The following CHN1 variants were observed in gnomAD, a reference collection of about 807,000 sequenced individuals.
CHN1 encodes chimerin 1, also known as N-chimaerin.
Under a neutral mutation model 59.5 loss-of-function variants are expected in CHN1, and 37 were observed. The ratio of observed to expected loss-of-function variants is 0.62; its 90% CI spans 0.48 to 0.82. The LOEUF (loss-of-function observed/expected upper bound fraction) is 0.82, where lower values mean the gene tolerates loss of function less well. Ranked by LOEUF, CHN1 falls within the 40% of genes least tolerant of loss-of-function variation. CHN1 has a pLI of 0.00. For missense variants in CHN1, 469 were observed against 571.0 expected (o/e 0.82, Z 1.82); for synonymous variants, 206 against 200.4 (o/e 1.03, Z -0.24).
At chr2:174,864,428 A>C (rs1381569667) in intron 6 of CHN1, among the ~76,000 whole-genome samples, 1 of 152,224 alleles carries the variant, frequency 6.6e-6, no homozygotes, top group Non-Finnish European at 1.5e-5. Context: ...ATTTATCTAA[A>C]ATATAATAAA....
intron 5 of CHN1, among the ~76,000 whole-genome samples, chr2:174,891,530 T>C (rs933459570): frequency 2.0e-5 from 3 of 150,254 alleles, no homozygotes; most frequent in East Asian, 2.0e-4. Flanking sequence ...GATCATGCCA[T>C]TGCATTCCAG....
intron 3 of CHN1, among the ~76,000 whole-genome samples, chr2:174,926,846 C>T (rs1287515398): frequency 6.6e-6 from 1 of 151,896 alleles, no homozygotes; most frequent in Admixed American, 6.6e-5. Flanking sequence ...CAAGCTCCGC[C>T]TCCCAGGTTC....
At chr2:174,911,849 C>T (rs1489561893) in intron 5 of CHN1, among the ~76,000 whole-genome samples, 1 of 152,166 alleles carries the variant, frequency 6.6e-6, no homozygotes. Flanking sequence ...TACAACCTTG[C>T]TGATCACACC....
At chr2:174,813,148 C>G (rs1685131064) in intron 8 of CHN1, among the ~76,000 whole-genome samples, 1 of 152,092 alleles carries the variant, frequency 6.6e-6, no homozygotes, top group Admixed American at 6.5e-5. Flanking sequence ...GTACTTTTTT[C>G]CCTCATATTA....
chr2:174,988,090 T>G lies in CHN1; in HGVS notation c.19+16804A>C, dbSNP rs556109211. Among the ~76,000 whole-genome samples, 58 of 152,214 alleles carry G rather than the reference T, an allele frequency of 3.8e-4. 1 individual carries two copies. The East Asian group carries it at 0.011, about 29-fold the overall frequency. On this transcript the variant is annotated intron_variant, in intron 1 of 12. Transcript: ENST00000409900. ...AAAAAGTGACAACAGCCAGGCGCGGTGGCTCACGCCTGTAATCCCAGCACT... is the reference window on the plus strand; with the variant it reads ...AAAAAGTGACAACAGCCAGGCGCGGGGGCTCACGCCTGTAATCCCAGCACT...
chr2:174,836,000 T>G (rs1686062570), intron 7 of CHN1, among the ~76,000 whole-genome samples: 1 of 152,206 alleles, frequency 6.6e-6, no homozygotes. Context: ...AGAAGGCTCC[T>G]CGGCAGATCT....
chr2:174,929,693 C>T (rs573016492), intron 3 of CHN1, among the ~76,000 whole-genome samples: 5 of 152,216 alleles, frequency 3.3e-5, no homozygotes, highest in African/African-American at 1.2e-4. Flanking sequence ...AAGGATAATA[C>T]ATAAGTTTCA....
intron 6 of CHN1, among the ~76,000 whole-genome samples, chr2:174,852,927 T>A (rs1262217410): frequency 1.3e-5 from 2 of 152,200 alleles, no homozygotes; most frequent in Admixed American, 1.3e-4. Flanking sequence ...ATTGGATCCT[T>A]ACCTTTCACC....
intron 7 of CHN1, 94 bp from the exon 8 acceptor site, chr2:174,824,612 T>TTATATATATA (rs1325143919): frequency 8.7e-6 from 5 of 571,616 alleles, no homozygotes; most frequent in African/African-American, 8.5e-5. Context: ...AAGCCACATA[T>TTATATATATA]TCTATATATA....
At chr2:174,959,184 G>C (rs1305417766) in intron 1 of CHN1, among the ~76,000 whole-genome samples, 3 of 152,240 alleles carry the variant, frequency 2.0e-5, no homozygotes, top group Admixed American at 6.5e-5. Context: ...AACCTCTCTG[G>C]AGAGCAATTA....
intron 7 of CHN1, among the ~76,000 whole-genome samples, chr2:174,843,959 G>C (rs1474037983): frequency 7.2e-6 from 1 of 138,618 alleles, no homozygotes; most frequent in Non-Finnish European, 1.6e-5. Flanking sequence ...AGTTTGTTTT[G>C]TTCTCTCTCT....
Position 174,913,365 on chromosome 2 carries a change from T to C in CHN1, c.260+1693A>G, listed in dbSNP as rs1688752684. 2.0e-5 allele frequency among the ~76,000 whole-genome samples: 3 copies of C among 152,180 alleles called. No homozygotes were observed. In the South Asian group the frequency reaches 6.2e-4, roughly 32 times the overall value. ...AGGCTGTTTACCATAGATAATCAGA[T>C]GACCAGACTATTTGGAAATAAGGTG... On this transcript the variant is annotated intron_variant, in intron 5 of 12. Transcript: ENST00000409900.
At chr2:174,882,300 T>C (rs192826892) in intron 5 of CHN1, among the ~76,000 whole-genome samples, 2 of 152,336 alleles carry the variant, frequency 1.3e-5, no homozygotes, top group East Asian at 3.9e-4. Flanking sequence ...AGGTTTCGGG[T>C]TTCCTATTTT....
At chr2:174,935,630 T>C (rs1468958513) in intron 3 of CHN1, among the ~76,000 whole-genome samples, 1 of 152,044 alleles carries the variant, frequency 6.6e-6, no homozygotes, top group Admixed American at 6.6e-5. Flanking sequence ...AAAAACATTT[T>C]TAAAACATGT....
intron 1 of CHN1, among the ~76,000 whole-genome samples, chr2:174,976,094 G>A (rs1012879515): frequency 9.2e-6 from 1 of 108,772 alleles, no homozygotes; most frequent in Non-Finnish European, 1.7e-5. Flanking sequence ...CCACTGCTCT[G>A]TAGCCTGGGC....
chr2:174,852,025 C>T (rs1686746250), intron 6 of CHN1, among the ~76,000 whole-genome samples: 1 of 151,964 alleles, frequency 6.6e-6, no homozygotes, highest in African/African-American at 2.4e-5. Context: ...ACCTGTAATC[C>T]CAGCACTTTG....
chr2:174,858,675 G>C (rs905917985), intron 6 of CHN1, among the ~76,000 whole-genome samples: 1 of 151,968 alleles, frequency 6.6e-6, no homozygotes, highest in Admixed American at 6.6e-5. Flanking sequence ...TTAGTTCAAA[G>C]GATCCTAATA....
chr2:174,920,098 C>T (rs1019034219), intron 3 of CHN1, among the ~76,000 whole-genome samples: 7 of 152,230 alleles, frequency 4.6e-5, no homozygotes, highest in South Asian at 4.1e-4. Flanking sequence ...TAAGTTCATC[C>T]GTGTTGTTGC....
At chr2:174,863,636 C>T (rs1270264947) in intron 6 of CHN1, among the ~76,000 whole-genome samples, 1 of 152,086 alleles carries the variant, frequency 6.6e-6, no homozygotes, top group Admixed American at 6.5e-5. Context: ...AAAAGCTCTT[C>T]AAAGTCTGCA....
Sources: gnomAD v4.1 joint callset for allele counts (sites outside exome capture counted in the v4.1 genomes callset) on GRCh38, gnomAD v4.1.1 for gene constraint, MANE v1.5 for transcripts, NCBI Gene and HGNC (gene_info 2026-07-23, HGNC 2026-07-21) for gene names.